Variants in CSRNP3 observed in about 807,000 individuals in gnomAD.
The protein encoded by CSRNP3 is cysteine and serine rich nuclear protein 3.
CSRNP3 carries 12 observed loss-of-function variants against 48.0 expected under a neutral mutation model. That is an observed-to-expected ratio of 0.25 (90% confidence interval 0.16 to 0.41). The LOEUF (loss-of-function observed/expected upper bound fraction) is 0.41. Ranked by LOEUF, CSRNP3 falls within the 10% of genes least tolerant of loss-of-function variation. The pLI is 1.00. For missense variants in CSRNP3, 580 were observed against 724.4 expected, an observed-to-expected ratio of 0.80 and a Z score of 2.29; for synonymous variants, 263 against 269.7, an observed-to-expected ratio of 0.98 and a Z score of 0.24.
intron 3 of CSRNP3, among the ~76,000 whole-genome samples, chr2:165,570,293 G>A (rs1685351824): frequency 6.6e-6 from 1 of 151,858 alleles, no homozygotes; most frequent in African/African-American, 2.4e-5. Flanking sequence ...TGAATAAATT[G>A]TCAGCTTCTT....
At chr2:165,666,142 GAA>G in intron 5 of CSRNP3, among the ~76,000 whole-genome samples, 1 of 126,892 alleles carries the variant, frequency 7.9e-6, no homozygotes, top group African/African-American at 3.0e-5. Flanking sequence ...AGGAAGGAAG[GAA>G]AGAGAGAGGA....
chr2:165,657,729 A>G (rs548230415), intron 4 of CSRNP3, 32 bp from the exon 5 acceptor site: 4 of 1,604,662 alleles, frequency 2.5e-6, no homozygotes, highest in Non-Finnish European at 3.4e-6. Context: ...TGCTGCCCCA[A>G]GTGTTCACAG....
At position 165,679,950 on chromosome 2, in the gene CSRNP3, A is replaced by C. The variant is rs1222528058; in HGVS notation, c.*197A>C. The C allele has an allele frequency of 2.8e-6, 2 of 716,276 alleles. No homozygotes were observed. The highest frequency in any genetic ancestry group is 4.4e-6 in the Non-Finnish European group (2 of 454,948). The allele number at this position is 716,276 out of a possible 1,614,324, so 44.4% of individuals were successfully genotyped here. On this transcript the variant is annotated 3_prime_UTR_variant, in exon 7 of 7. Coordinates refer to ENST00000651982, the MANE Select transcript of CSRNP3 (RefSeq NM_001172173.2). ...CAAATACAGTCTCTGTAGGGATTTT[A>C]AAAGATTTCAGACTGTTTTGATAGA...
intron 3 of CSRNP3, among the ~76,000 whole-genome samples, chr2:165,541,288 G>A (rs1684954410): frequency 6.6e-6 from 1 of 151,310 alleles, no homozygotes; most frequent in Non-Finnish European, 1.5e-5. Context: ...TTCACATATT[G>A]GATATTATAC....
At chr2:165,656,512 G>A (rs1687007921) in intron 4 of CSRNP3, among the ~76,000 whole-genome samples, 1 of 151,908 alleles carries the variant, frequency 6.6e-6, no homozygotes, top group Non-Finnish European at 1.5e-5. Flanking sequence ...ATCACACTGG[G>A]CATCATAAAT....
chr2:165,535,447 G>A (rs1013178783), intron 3 of CSRNP3, among the ~76,000 whole-genome samples: 1 of 151,788 alleles, frequency 6.6e-6, no homozygotes, highest in African/African-American at 2.4e-5. Context: ...AAACTAGGCA[G>A]TGGGTTACAA....
At chr2:165,635,032 G>A (rs1686605054) in intron 4 of CSRNP3, among the ~76,000 whole-genome samples, 1 of 152,214 alleles carries the variant, frequency 6.6e-6, no homozygotes. Flanking sequence ...TTACACTGCA[G>A]CTGGGGAGGA....
intron 3 of CSRNP3, among the ~76,000 whole-genome samples, chr2:165,552,170 G>C (rs1685104427): frequency 1.3e-5 from 2 of 152,214 alleles, no homozygotes; most frequent in African/African-American, 4.8e-5. Context: ...TGTGGCTCAA[G>C]TGGAAATTTA....
chr2:165,579,636 G>A (rs1266757226), intron 3 of CSRNP3, among the ~76,000 whole-genome samples: 2 of 152,086 alleles, frequency 1.3e-5, no homozygotes, highest in African/African-American at 2.4e-5. Flanking sequence ...GGGGCATAAA[G>A]CACCTAATTA....
At chr2:165,614,307 A>G (rs1345869620) in intron 4 of CSRNP3, among the ~76,000 whole-genome samples, 1 of 152,060 alleles carries the variant, frequency 6.6e-6, no homozygotes, top group Non-Finnish European at 1.5e-5. Flanking sequence ...CTCTTAATTT[A>G]TTTATCAGTT....
intron 3 of CSRNP3, among the ~76,000 whole-genome samples, chr2:165,583,294 CT>C (rs1558940904): frequency 6.6e-6 from 1 of 151,994 alleles, no homozygotes; most frequent in African/African-American, 2.4e-5. Context: ...GTTCAAGGCA[CT>C]TTTTGCTTAC....
chr2:165,471,930 G>A (rs940727735), intron 1 of CSRNP3, among the ~76,000 whole-genome samples: 1 of 151,950 alleles, frequency 6.6e-6, no homozygotes, highest in Non-Finnish European at 1.5e-5. Context: ...CAAGGCAAAT[G>A]AAAACCATGT....
chr2:165,537,729 T>C (rs963440184), intron 3 of CSRNP3, among the ~76,000 whole-genome samples: 3 of 151,900 alleles, frequency 2.0e-5, no homozygotes, highest in African/African-American at 7.2e-5. Flanking sequence ...CAAGTTATCA[T>C]ACTTCTTTTC....
intron 3 of CSRNP3, among the ~76,000 whole-genome samples, chr2:165,563,872 C>T (rs1685264952): frequency 6.6e-6 from 1 of 152,068 alleles, no homozygotes; most frequent in Non-Finnish European, 1.5e-5. Context: ...CCAACTTAAA[C>T]AAGTACCACA....
At chr2:165,662,323 G>A (rs1687112141) in intron 5 of CSRNP3, among the ~76,000 whole-genome samples, 1 of 151,960 alleles carries the variant, frequency 6.6e-6, no homozygotes. Context: ...ATTCTATTTG[G>A]GGGAGTTCAA....
chr2:165,513,604 T>A (rs1249331778), intron 2 of CSRNP3, among the ~76,000 whole-genome samples: 1 of 152,240 alleles, frequency 6.6e-6, no homozygotes, highest in African/African-American at 2.4e-5. Flanking sequence ...GCTAATTTTA[T>A]AGTTTAGTCA....
rs1687555320 is a variant in CSRNP3, at chr2:165,681,944, G to A, written c.*2191G>A. Reference sequence around the variant, plus strand: ...CACAGGCCCAAAGAGAAAATGACAAGAGGCTATTGTTCCTTCATTCAAGCA... The same window carrying A: ...CACAGGCCCAAAGAGAAAATGACAAAAGGCTATTGTTCCTTCATTCAAGCA... On this transcript the variant is annotated 3_prime_UTR_variant, in exon 7 of 7. Transcript: ENST00000651982. 6.6e-6 allele frequency: 1 copy of A among 151,078 alleles called. No individual in the cohort carries two copies. The highest frequency in any genetic ancestry group is 2.4e-5 in the African/African-American group (1 of 41,098). 9.4% of individuals were successfully genotyped at this position (151,078 alleles called of 1,614,324 possible). A position where few individuals can be genotyped will look rare whatever the true frequency, so the allele number is the denominator to read the frequency against.
At chr2:165,626,625 T>C (rs1018273330) in intron 4 of CSRNP3, among the ~76,000 whole-genome samples, 3 of 152,200 alleles carry the variant, frequency 2.0e-5, no homozygotes, top group Admixed American at 6.5e-5. Flanking sequence ...TTTGCCACTC[T>C]CCAAGCAGGT....
chr2:165,675,018 G>C (rs1024585473), intron 5 of CSRNP3, among the ~76,000 whole-genome samples: 2 of 151,960 alleles, frequency 1.3e-5, no homozygotes, highest in Non-Finnish European at 2.9e-5. Context: ...TGGCCTTTGT[G>C]ATATATTTAG....
Sources: allele counts gnomAD v4.1 joint callset (sites outside exome capture counted in the v4.1 genomes callset), GRCh38; gene constraint gnomAD v4.1.1; transcripts MANE v1.5; gene names NCBI Gene and HGNC (gene_info 2026-07-23, HGNC 2026-07-21).